The following ARMC2 variants were observed in gnomAD, a reference collection of about 807,000 sequenced individuals.
ARMC2 encodes armadillo repeat containing 2.
ARMC2 carries 67 observed loss-of-function variants against 90.3 expected under a neutral mutation model. The observed-to-expected ratio is 0.74, with a 90% CI of 0.61 to 0.91. The LOEUF is 0.91. Among genes scored for constraint, ARMC2 ranks in the 40% least tolerant of loss-of-function variants. The probability of loss-of-function intolerance (pLI) is 0.00; values close to 1 mark genes in which losing one functional copy is unlikely to be tolerated. For synonymous variants in ARMC2, 393 were observed against 393.0 expected, an observed-to-expected ratio of 1.00 and a Z score of 0.00; for missense variants, 920 against 1,030.9, an observed-to-expected ratio of 0.89 and a Z score of 1.47.
chr6:108,954,738 C>A (rs1777438806), intron 13 of ARMC2, among the ~76,000 whole-genome samples: 1 of 152,200 alleles, frequency 6.6e-6, no homozygotes, highest in Non-Finnish European at 1.5e-5. Flanking sequence ...AACTCCCTGG[C>A]CTCCCTCGCC....
intron 17 of ARMC2, among the ~76,000 whole-genome samples, chr6:108,967,395 C>T (rs537039603): frequency 6.6e-6 from 1 of 152,168 alleles, no homozygotes; most frequent in Non-Finnish European, 1.5e-5. Flanking sequence ...GGGCCGGGGC[C>T]GTGTGGCATA....
intron 3 of ARMC2, among the ~76,000 whole-genome samples, chr6:108,867,219 G>A (rs1236141567): frequency 6.6e-6 from 1 of 152,172 alleles, no homozygotes; most frequent in East Asian, 1.9e-4. Flanking sequence ...AGGCAGGAAG[G>A]ATAAGACCAC....
At chr6:108,970,494 C>CTTTTTTTTTTTTTTTTT (rs1156823883) in intron 17 of ARMC2, among the ~76,000 whole-genome samples, 7 of 117,342 alleles carry the variant, frequency 6.0e-5, no homozygotes, top group Non-Finnish European at 8.9e-5. Flanking sequence ...CTTCTCTTTT[C>CTTTTTTTTTTTTTTTTT]TTTTTTTTTT....
chr6:109,001,483 G>A, the ARMC2 span: 13 of 1,611,648 alleles, frequency 8.1e-6, no homozygotes, highest in Non-Finnish European at 9.3e-6. Context: ...TCCCCACTTG[G>A]AGGATCTGTA....
At chr6:109,015,180 G>A in the ARMC2 span, among the ~76,000 whole-genome samples, 1 of 152,144 alleles carries the variant, frequency 6.6e-6, no homozygotes, top group Non-Finnish European at 1.5e-5. Flanking sequence ...TTATAGGCAG[G>A]CAGGCTGACT....
intron 11 of ARMC2, among the ~76,000 whole-genome samples, chr6:108,929,617 C>A (rs974758091): frequency 6.6e-6 from 1 of 152,058 alleles, no homozygotes; most frequent in African/African-American, 2.4e-5. Flanking sequence ...GCAGCTGGGA[C>A]CACAGGTGCA....
At chr6:109,008,360 A>T in the ARMC2 span, among the ~76,000 whole-genome samples, 1 of 152,252 alleles carries the variant, frequency 6.6e-6, no homozygotes, top group Non-Finnish European at 1.5e-5. Flanking sequence ...AAGTTTCCAA[A>T]GCGATACTGT....
At chr6:109,028,190 G>T in the ARMC2 span, among the ~76,000 whole-genome samples, 1,084 of 152,030 alleles carry the variant, frequency 7.1e-3, 20 homozygotes, top group African/African-American at 0.025. Flanking sequence ...ATAGCTTTAG[G>T]TTTTAATAGA....
the ARMC2 span, among the ~76,000 whole-genome samples, chr6:109,043,463 A>G: frequency 5.1e-4 from 78 of 152,298 alleles, no homozygotes; most frequent in African/African-American, 1.9e-3. Context: ...ATGTACATAG[A>G]AAATCCCAAG....
the ARMC2 span, among the ~76,000 whole-genome samples, chr6:109,039,716 C>A: frequency 6.6e-6 from 1 of 152,200 alleles, no homozygotes; most frequent in African/African-American, 2.4e-5. Context: ...AAACGAGAAC[C>A]AGTATTTTCA....
chr6:108,904,401 T>C lies in ARMC2; in HGVS notation c.1019T>C (p.Leu340Pro). The change falls in exon 8 of 18, where the codon CTA becomes CCA. Residue 340 changes from leucine (L) to proline (P), a missense_variant. Transcript: ENST00000392644. The part of the protein sequence containing the change: ...SLSLKLAKII[L>P]ALKVSRKNLL... ...AGCCTTAAACTTGCAAAAATAATTC[T>C]AGCAGTAAGTTTTTCTTTCCTCTGG... is the stretch of plus-strand genomic sequence containing the variant. 3 of 1,600,356 alleles carry C rather than the reference T, an allele frequency of 1.9e-6. No homozygotes were observed. The highest frequency in any genetic ancestry group is 1.7e-4 in the Middle Eastern group (1 of 6,012).
the ARMC2 span, among the ~76,000 whole-genome samples, chr6:109,005,187 C>A: frequency 6.6e-6 from 1 of 152,162 alleles, no homozygotes; most frequent in African/African-American, 2.4e-5. Flanking sequence ...CAATAGAAGG[C>A]TGTTTCAATA....
At chr6:109,018,129 G>C in the ARMC2 span, among the ~76,000 whole-genome samples, 1 of 152,146 alleles carries the variant, frequency 6.6e-6, no homozygotes, top group African/African-American at 2.4e-5. Context: ...TATATTATCA[G>C]TGGTTTTCAA....
chr6:108,913,468 T>C (rs1024350082), intron 10 of ARMC2, among the ~76,000 whole-genome samples: 5 of 152,366 alleles, frequency 3.3e-5, no homozygotes, highest in African/African-American at 9.6e-5. Context: ...ACAGTTTTTC[T>C]GTATGCCCTG....
chr6:108,911,350 G>A (rs9386761), intron 9 of ARMC2, among the ~76,000 whole-genome samples: 5,630 of 152,122 alleles, frequency 0.037, 233 homozygotes, highest in East Asian at 0.2. Flanking sequence ...ATATACTAGG[G>A]ATGACTAAAA....
intron 12 of ARMC2, among the ~76,000 whole-genome samples, chr6:108,945,913 C>T (rs141649771): frequency 1.9e-4 from 29 of 152,350 alleles, no homozygotes; most frequent in African/African-American, 5.8e-4. Context: ...CTTTGTAGGG[C>T]GACTTGGCTC....
At chr6:108,911,036 C>T (rs1329901103) in intron 9 of ARMC2, 35 bp downstream of exon 9, 5 of 1,281,736 alleles carry the variant, frequency 3.9e-6, no homozygotes, top group Non-Finnish European at 4.4e-6. Context: ...TGAGCAAATG[C>T]TGTACTTGAG....
At chr6:109,052,616 T>C in the ARMC2 span, among the ~76,000 whole-genome samples, 1 of 152,228 alleles carries the variant, frequency 6.6e-6, no homozygotes, top group East Asian at 1.9e-4. Flanking sequence ...AAATGTTATA[T>C]TTAAACATTC....
At chr6:108,917,804 T>G (rs2128477206) in intron 10 of ARMC2, among the ~76,000 whole-genome samples, 1 of 152,202 alleles carries the variant, frequency 6.6e-6, no homozygotes, top group East Asian at 1.9e-4. Flanking sequence ...TGTGCCACCA[T>G]ACCCAGCTAC....
Sources: allele counts gnomAD v4.1 joint callset (sites outside exome capture counted in the v4.1 genomes callset), GRCh38; gene constraint gnomAD v4.1.1; transcripts MANE v1.5; gene names NCBI Gene and HGNC (gene_info 2026-07-23, HGNC 2026-07-21).